The following PTPRN2 variants were observed in gnomAD, a reference collection of about 807,000 sequenced individuals.
The protein encoded by PTPRN2 is protein tyrosine phosphatase receptor type N2.
A neutral mutation model predicts 118.8 loss-of-function variants in PTPRN2; 74 were observed. The ratio of observed to expected loss-of-function variants is 0.62; its 90% CI spans 0.52 to 0.76. PTPRN2 has a LOEUF of 0.76. Ranked by LOEUF, PTPRN2 falls within the 30% of genes least tolerant of loss-of-function variation. The probability of loss-of-function intolerance (pLI) is 0.00; values close to 1 mark genes in which losing one functional copy is unlikely to be tolerated. For synonymous variants in PTPRN2, 641 were observed against 608.0 expected (o/e 1.05, Z -0.80); for missense variants, 1,481 against 1,394.4 (o/e 1.06, Z -0.99).
intron 1 of PTPRN2, among the ~76,000 whole-genome samples, chr7:158,520,749 G>A (rs928635548): frequency 2.6e-5 from 4 of 152,104 alleles, no homozygotes; most frequent in African/African-American, 7.2e-5. Flanking sequence ...AAGAACGATC[G>A]GGTGGCTGCT....
At chr7:158,035,497 A>C (rs1808031784) in intron 11 of PTPRN2, among the ~76,000 whole-genome samples, 1 of 152,188 alleles carries the variant, frequency 6.6e-6, no homozygotes, top group Non-Finnish European at 1.5e-5. Flanking sequence ...GTTAGGGCCC[A>C]GCAGGCTGGG....
At chr7:158,461,227 G>C (rs1324682782) in intron 2 of PTPRN2, among the ~76,000 whole-genome samples, 1 of 152,162 alleles carries the variant, frequency 6.6e-6, no homozygotes, top group Non-Finnish European at 1.5e-5. Flanking sequence ...CGGGCGCGGT[G>C]GCTCATGCCT....
chr7:158,449,461 A>G (rs1043037981), intron 2 of PTPRN2, among the ~76,000 whole-genome samples: 7 of 152,252 alleles, frequency 4.6e-5, no homozygotes, highest in African/African-American at 1.7e-4. Flanking sequence ...CACAACAGCA[A>G]GACACACAGC....
chr7:157,563,032 T>G (rs1472812779), intron 21 of PTPRN2, among the ~76,000 whole-genome samples: 2 of 110,332 alleles, frequency 1.8e-5, no homozygotes, highest in Non-Finnish European at 1.8e-5. Context: ...ACACAGCAGA[T>G]CAGGACCACA....
chr7:158,087,016 T>C (rs560297276), intron 10 of PTPRN2, among the ~76,000 whole-genome samples: 22 of 152,316 alleles, frequency 1.4e-4, no homozygotes, highest in African/African-American at 4.8e-4. Flanking sequence ...CATTACATTA[T>C]TTACCCTGCA....
rs535016693 is a variant in PTPRN2, at chr7:158,152,030, C to T, written c.911-13515G>A. On this transcript the variant is annotated intron_variant, in intron 6 of 22. Transcript: ENST00000389418. ...CTACTAAAAATACAAAAAAATTAGC[C>T]GGGCGTGGTGGCAGACGCCTGTAGT... Among the ~76,000 whole-genome samples, 48 of 151,998 alleles carry T rather than the reference C, an allele frequency of 3.2e-4. 1 individual carries two copies. Among genetic ancestry groups the T allele is most frequent in the Admixed American group, 1.5e-3 (23 of 15,268 alleles).
chr7:157,594,624 G>C (rs1031848591), intron 17 of PTPRN2, among the ~76,000 whole-genome samples: 1 of 152,222 alleles, frequency 6.6e-6, no homozygotes, highest in African/African-American at 2.4e-5. Flanking sequence ...GGTAACTCAC[G>C]GCCACGTTCC....
chr7:157,695,280 G>T (rs1797710414), intron 12 of PTPRN2, among the ~76,000 whole-genome samples: 1 of 151,914 alleles, frequency 6.6e-6, no homozygotes, highest in Non-Finnish European at 1.5e-5. Flanking sequence ...ACATATTTCA[G>T]GAATTTAAAA....
chr7:158,543,344 A>C (rs991516372), intron 1 of PTPRN2, among the ~76,000 whole-genome samples: 1 of 152,174 alleles, frequency 6.6e-6, no homozygotes, highest in East Asian at 1.9e-4. Context: ...TCAGCCACCC[A>C]CAACGGCCGC....
chr7:158,528,597 T>C (rs1304878896), intron 1 of PTPRN2, among the ~76,000 whole-genome samples: 6 of 149,624 alleles, frequency 4.0e-5, no homozygotes, highest in Non-Finnish European at 8.9e-5. Context: ...CCATCCTGGC[T>C]AACACGGTGA....
chr7:157,814,820 G>GAGC (rs1806289810), intron 12 of PTPRN2, among the ~76,000 whole-genome samples: 1 of 152,180 alleles, frequency 6.6e-6, no homozygotes, highest in Non-Finnish European at 1.5e-5. Context: ...TCTTGTCACA[G>GAGC]AGCAGCTTTG....
chr7:157,656,019 C>T (rs1333619850), intron 14 of PTPRN2, among the ~76,000 whole-genome samples: 1 of 131,904 alleles, frequency 7.6e-6, no homozygotes, highest in East Asian at 2.3e-4. Flanking sequence ...GAGTCAGAGG[C>T]CCAAAACGGC....
intron 1 of PTPRN2, among the ~76,000 whole-genome samples, chr7:158,562,916 A>G (rs562746975): frequency 1.3e-5 from 2 of 152,350 alleles, no homozygotes; most frequent in African/African-American, 2.4e-5. Flanking sequence ...GGCCCTTTAA[A>G]GACCAGAATG....
At chr7:158,482,316 T>G (rs557266501) in intron 2 of PTPRN2, among the ~76,000 whole-genome samples, 1 of 152,326 alleles carries the variant, frequency 6.6e-6, no homozygotes, top group East Asian at 1.9e-4. Context: ...CAAACAGCAT[T>G]GCGTTCTGCA....
intron 3 of PTPRN2, among the ~76,000 whole-genome samples, chr7:158,262,370 C>CACACACAT (rs1797481199): frequency 7.4e-6 from 1 of 134,332 alleles, no homozygotes; most frequent in South Asian, 2.3e-4. Flanking sequence ...ACATTCACTG[C>CACACACAT]ACACACATAC....
intron 3 of PTPRN2, among the ~76,000 whole-genome samples, chr7:158,226,930 TG>T (rs1232430056): frequency 1.3e-5 from 2 of 152,050 alleles, no homozygotes; most frequent in Non-Finnish European, 2.9e-5. Context: ...GGCGACAGGC[TG>T]TTTGGAGGGA....
intron 10 of PTPRN2, among the ~76,000 whole-genome samples, chr7:158,083,832 C>T (rs1384814189): frequency 6.7e-6 from 1 of 149,148 alleles, no homozygotes; most frequent in African/African-American, 2.5e-5. Context: ...CTTGTGCTCT[C>T]AGGAACCCTG....
chr7:158,157,486 T>C lies in PTPRN2; in HGVS notation c.910+9445A>G, dbSNP rs181939232. Among the ~76,000 whole-genome samples the C allele has an allele frequency of 4.6e-5, 7 of 152,350 alleles. No individual in the cohort carries two copies. In the East Asian group the frequency reaches 1.4e-3, roughly 29 times the overall value. ...CATGGGGGCAGTTTATGACTCTTAC[T>C]TCTCCCAAATCTGAAAGCAGTGACT... On this transcript the variant is annotated intron_variant, in intron 6 of 22. Coordinates refer to ENST00000389418, the MANE Select transcript of PTPRN2 (RefSeq NM_002847.5).
chr7:157,847,116 C>T (rs1343551387), intron 12 of PTPRN2, among the ~76,000 whole-genome samples: 1 of 142,700 alleles, frequency 7.0e-6, no homozygotes, highest in African/African-American at 2.7e-5. Context: ...TCATGTGTGC[C>T]CGATGTCTAC....
Sources: allele counts gnomAD v4.1 joint callset (sites outside exome capture counted in the v4.1 genomes callset), GRCh38; gene constraint gnomAD v4.1.1; transcripts MANE v1.5; gene names NCBI Gene and HGNC (gene_info 2026-07-23, HGNC 2026-07-21).